SYNRG: variants seen among roughly 807,000 people sequenced by gnomAD.
SYNRG encodes AP1 gamma subunit binding protein 1.
In SYNRG, 37 loss-of-function variants were observed where a neutral mutation model predicts 130.9. The observed-to-expected ratio is 0.28, with a 90% CI of 0.22 to 0.37. The LOEUF (loss-of-function observed/expected upper bound fraction) is 0.37, where lower values mean the gene tolerates loss of function less well. Among genes scored for constraint, SYNRG ranks in the 10% least tolerant of loss-of-function variants. The pLI, the probability that SYNRG is intolerant of heterozygous loss-of-function variation, is 1.00. For synonymous variants in SYNRG, 539 were observed against 568.1 expected (o/e 0.95, Z 0.73); for missense variants, 1,338 against 1,588.9 (o/e 0.84, Z 2.68).
intron 19 of SYNRG, 80 bp from the exon 20 acceptor site, chr17:37,520,728 C>A (rs933847489): frequency 3.3e-6 from 4 of 1,196,888 alleles, no homozygotes; most frequent in Non-Finnish European, 5.0e-6. Context: ...CACTCACCCC[C>A]AGCAGGCCTA....
intron 3 of SYNRG, among the ~76,000 whole-genome samples, chr17:37,589,342 T>C (rs2061952306): frequency 6.6e-6 from 1 of 152,196 alleles, no homozygotes; most frequent in African/African-American, 2.4e-5. Context: ...TATTTACTGA[T>C]GCAAGGAAAG....
chr17:37,543,625 G>T (rs2057990195), intron 14 of SYNRG, among the ~76,000 whole-genome samples: 1 of 152,224 alleles, frequency 6.6e-6, no homozygotes, highest in Admixed American at 6.5e-5. Flanking sequence ...AAAAGGCCAG[G>T]TTGGTGCCTG....
intron 2 of SYNRG, among the ~76,000 whole-genome samples, chr17:37,597,737 A>AATCCCAAT (rs2062903915): frequency 6.6e-6 from 1 of 152,240 alleles, no homozygotes; most frequent in Non-Finnish European, 1.5e-5. Flanking sequence ...GATTTTAATA[A>AATCCCAAT]ATACTAAATG....
chr17:37,515,076 A>G lies in SYNRG; in HGVS notation c.*3864T>C, dbSNP rs964200140. 3.9e-5 allele frequency: 6 copies of G among 152,236 alleles called. No individual in the cohort carries two copies. The highest frequency in any genetic ancestry group is 5.9e-5 in the Non-Finnish European group (4 of 68,036). The allele number at this position is 152,236 out of a possible 1,614,324, so 9.4% of individuals were successfully genotyped here. On this transcript the variant is annotated 3_prime_UTR_variant, in exon 22 of 22. Coordinates refer to ENST00000612223, the MANE Select transcript of SYNRG (RefSeq NM_007247.6). Reference sequence around the variant, plus strand: ...GCTACAAAGTAATGAGATGTCCCACATGAATACTTTTTAACCACTTACATT... The same window carrying G: ...GCTACAAAGTAATGAGATGTCCCACGTGAATACTTTTTAACCACTTACATT...
At chr17:37,532,614 A>G (rs921318217) in intron 19 of SYNRG, among the ~76,000 whole-genome samples, 1 of 142,834 alleles carries the variant, frequency 7.0e-6, no homozygotes, top group African/African-American at 2.6e-5. Flanking sequence ...CGGAGGTTGC[A>G]GTGAGCCGAG....
At position 37,600,393 on chromosome 17, in the gene SYNRG, G is replaced by C. The variant is rs2063161911; in HGVS notation, c.88C>G (p.Pro30Ala). ...GGGGGTCTTATCCCACCTGCAACAG[G>C]AAACATGAAGCTGAAAACAGAATAA... The part of the protein sequence containing the change: ...GSAGGGGFMF[P>A]VAGGIRPPQA... Residue 30 changes from proline to alanine, a missense_variant, in exon 2 of 22, where the codon CCT (proline) becomes GCT (alanine). Pro to Ala is a conservative substitution (Grantham distance 27, BLOSUM62 -1). Transcript: ENST00000612223. 1 of 1,613,378 alleles carries C rather than the reference G, an allele frequency of 6.2e-7. No individual in the cohort carries two copies. The highest frequency in any genetic ancestry group is 1.1e-5 in the South Asian group (1 of 91,036).
At position 37,536,034 on chromosome 17, in the gene SYNRG, T is replaced by A; in HGVS notation, c.3611A>T (p.Asp1204Val). Residue 1204 changes from aspartate to valine, a missense_variant, in exon 19 of 22, where the codon GAC becomes GTC. Asp to Val is a radical substitution (Grantham distance 152, BLOSUM62 -3). This residue lies in a region of SYNRG where 1,146 missense variants were observed against 1,342.3 expected (regional missense o/e 0.85). Transcript: ENST00000612223. The stretch of plus-strand genomic sequence containing the variant: ...TAGGTTATTCCATACTTTATCGATG[T>A]CCTTCAGCAACTGCTGGAGTTTCTC... ...CSEKLQQLLK[D>V]IDKVWNNLIG... 6.2e-7 allele frequency: 1 copy of A among 1,614,114 alleles called. No homozygotes were observed. Among genetic ancestry groups the A allele is most frequent in the Non-Finnish European group, 8.5e-7 (1 of 1,179,960 alleles).
chr17:37,581,259 T>C (rs1203923299), intron 6 of SYNRG, among the ~76,000 whole-genome samples: 1 of 148,442 alleles, frequency 6.7e-6, no homozygotes, highest in African/African-American at 2.4e-5. Flanking sequence ...TTCTTCACAT[T>C]TATTATTATT....
rs542066196 is a variant in SYNRG, at chr17:37,574,613, A to G, written c.901+1728T>C. Among the ~76,000 whole-genome samples, 15 of 152,320 alleles carry G rather than the reference A, an allele frequency of 9.8e-5. No individual in the cohort carries two copies. In the East Asian group the frequency reaches 2.7e-3, roughly 27 times the overall value. On this transcript the variant is annotated intron_variant, in intron 8 of 21. Transcript: ENST00000612223. ...AAGACAACTGAACAGGCATTTCTCA[A>G]AAGAAGACATGCAAACAGCAAACAA...
At chr17:37,519,630 A>G (rs948543172) in intron 21 of SYNRG, among the ~76,000 whole-genome samples, 1 of 152,022 alleles carries the variant, frequency 6.6e-6, no homozygotes, top group African/African-American at 2.4e-5. Flanking sequence ...AAAAAGTCCA[A>G]ACAGGTATGG....
intron 1 of SYNRG, among the ~76,000 whole-genome samples, chr17:37,608,718 C>T (rs969040917): frequency 1.3e-5 from 2 of 152,128 alleles, no homozygotes; most frequent in South Asian, 2.1e-4. Context: ...TATCTCAAGA[C>T]CATTACTAAT....
chr17:37,594,244 A>G (rs2062511181), intron 3 of SYNRG, among the ~76,000 whole-genome samples: 1 of 144,500 alleles, frequency 6.9e-6, no homozygotes, highest in Non-Finnish European at 1.5e-5. Flanking sequence ...TTACAATATT[A>G]ATTATTTTAA....
At chr17:37,596,652 T>A (rs2062799627) in intron 2 of SYNRG, among the ~76,000 whole-genome samples, 1 of 152,226 alleles carries the variant, frequency 6.6e-6, no homozygotes, top group South Asian at 2.1e-4. Context: ...TCCAATGACC[T>A]CTGTCTCCTG....
intron 14 of SYNRG, among the ~76,000 whole-genome samples, chr17:37,546,308 T>G (rs972905226): frequency 6.6e-6 from 1 of 152,174 alleles, no homozygotes; most frequent in African/African-American, 2.4e-5. Flanking sequence ...TGCAATAAAA[T>G]GAACAGAAAA....
chr17:37,533,890 CA>C (rs1481313214), intron 19 of SYNRG, among the ~76,000 whole-genome samples: 3 of 114,178 alleles, frequency 2.6e-5, no homozygotes, highest in African/African-American at 6.3e-5. Flanking sequence ...TATTTTCTAA[CA>C]AAAAAAATAA....
chr17:37,518,283 C>G lies in SYNRG; in HGVS notation c.*657G>C, dbSNP rs2054576746. Reference sequence around the variant, plus strand: ...CCTCTGTCAAAATGAGCATTCTTCACGGCTGCAGAGTGCCCAGGCATGTTT... The same window carrying G: ...CCTCTGTCAAAATGAGCATTCTTCAGGGCTGCAGAGTGCCCAGGCATGTTT... On this transcript the variant is annotated 3_prime_UTR_variant, in exon 22 of 22. Coordinates refer to ENST00000612223, the MANE Select transcript of SYNRG (RefSeq NM_007247.6). The G allele has an allele frequency of 6.6e-6, 1 of 152,180 alleles. No homozygotes were observed. The highest frequency in any genetic ancestry group is 1.5e-5 in the Non-Finnish European group (1 of 68,068). The allele number at this position is 152,180 out of a possible 1,614,324, so 9.4% of individuals were successfully genotyped here. A position where few individuals can be genotyped will look rare whatever the true frequency, so the allele number is the denominator to read the frequency against.
intron 3 of SYNRG, among the ~76,000 whole-genome samples, chr17:37,594,347 T>C (rs2062544591): frequency 6.9e-6 from 1 of 144,920 alleles, no homozygotes; most frequent in African/African-American, 2.5e-5. Context: ...AAATTAATGA[T>C]TTAAAATTTG....
rs775608761 is a variant in SYNRG, at chr17:37,585,465, C to A, written c.372-35G>T. ...AAATGATCTAATAAAGAACCAGCTC[C>A]CGGGATTATACACTGTGTTTTATAT... On this transcript the variant is annotated intron_variant, in intron 4 of 21. Transcript: ENST00000612223. 4 of 1,457,744 alleles carry A rather than the reference C, an allele frequency of 2.7e-6. No individual in the cohort carries two copies. The South Asian group carries it at 4.6e-5, about 17-fold the overall frequency. 90.3% of individuals were successfully genotyped at this position (1,457,744 alleles called of 1,614,324 possible). A position where few individuals can be genotyped will look rare whatever the true frequency, so the allele number is the denominator to read the frequency against.
chr17:37,586,184 G>T (rs1160475580), intron 4 of SYNRG, among the ~76,000 whole-genome samples: 1 of 152,110 alleles, frequency 6.6e-6, no homozygotes, highest in Non-Finnish European at 1.5e-5. Context: ...TGTAGAGACA[G>T]GGTTTTACCA....
Sources: allele counts gnomAD v4.1 joint callset (sites outside exome capture counted in the v4.1 genomes callset), GRCh38; gene constraint gnomAD v4.1.1; regional missense constraint gnomAD v4.1.1; transcripts MANE v1.5; gene names NCBI Gene and HGNC (gene_info 2026-07-23, HGNC 2026-07-21).